The following PIGZ variants were observed in gnomAD, a reference collection of about 807,000 sequenced individuals.
The protein encoded by PIGZ is GPI alpha-1,2-mannosyltransferase 4.
Under a neutral mutation model 16.4 loss-of-function variants are expected in PIGZ, and 16 were observed. The observed-to-expected ratio is 0.97, with a 90% confidence interval of 0.66 to 1.48. The LOEUF (loss-of-function observed/expected upper bound fraction) is 1.48. PIGZ is among the 40% of genes most tolerant of loss of function. The pLI is 0.00. For missense variants in PIGZ, 770 were observed against 739.2 expected, an observed-to-expected ratio of 1.04 and a Z score of -0.48; for synonymous variants, 409 against 338.4, an observed-to-expected ratio of 1.21 and a Z score of -2.29.
rs145303412 is a variant in PIGZ at position 196,947,673 on chromosome 3, C to T, written c.1224G>A (p.Gln408=). Residue 408 remains glutamine (Q), a synonymous_variant, in exon 3 of 3, where the codon CAG becomes CAA. Coordinates refer to ENST00000412723, the MANE Select transcript of PIGZ (RefSeq NM_025163.4). ...CCACAGTGCCCTTCCAAGGCACAGGCTGCGTCTGTGGACTACAAAGCAGGA... is the reference window on the plus strand; with the variant it reads ...CCACAGTGCCCTTCCAAGGCACAGGTTGCGTCTGTGGACTACAAAGCAGGA... ...PLVLLCSPQT[Q]PVPWKGTVVL... The T allele has an allele frequency of 2.5e-6, 4 of 1,612,076 alleles. No individual in the cohort carries two copies. Among genetic ancestry groups the T allele is most frequent in the African/African-American group, 2.7e-5 (2 of 74,914 alleles).
At position 196,948,248 on chromosome 3, in the gene PIGZ, C is replaced by A; in HGVS notation, c.649G>T (p.Gly217Ter). The change falls in exon 3 of 3, where the codon GGA becomes TGA. Residue 217 changes from glycine to a stop codon, truncating the protein, a stop_gained. Coordinates refer to ENST00000412723, the MANE Select transcript of PIGZ (RefSeq NM_025163.4). LOFTEE classifies it low-confidence loss of function (END_TRUNC). ...AAGAAGCCAGCAGCCACAATGCCTC[C>A]AAGAAGCCAGCTGCGCCACCGTGGA... ...PGPRWRSWLLGGIVAAGFFNR... is the reference protein window; with the variant it reads ...PGPRWRSWLL The A allele has an allele frequency of 6.2e-7, 1 of 1,614,128 alleles. No homozygotes were observed. The highest frequency in any genetic ancestry group is 8.5e-7 in the Non-Finnish European group (1 of 1,180,008).
chr3:196,948,511 G>A lies in PIGZ; in HGVS notation c.386C>T (p.Pro129Leu). 1 of 1,612,572 alleles carries A rather than the reference G, an allele frequency of 6.2e-7. No homozygotes were observed. Residue 129 changes from proline to leucine, a missense_variant, in exon 3 of 3, where the codon CCT becomes CTT. Pro to Leu is a moderately conservative substitution (Grantham distance 98, BLOSUM62 -3). Coordinates refer to ENST00000412723, the MANE Select transcript of PIGZ (RefSeq NM_025163.4). ...LVSGYALLVG[P>L]RLLLTALSFA... ...GGAAAGGGCAGTGAGGAGGAGTCGA[G>A]GCCCCACCAGCAGCGCATAGCCGCT...
At position 196,949,877 on chromosome 3, in the gene PIGZ, C is replaced by T. The variant is rs773329858; in HGVS notation, c.212-1192G>A. ...TTACACCTGTCAAGCTTGACAGAGC[C>T]GCATCTCTGATAATGATTGTTATCA... On this transcript the variant is annotated intron_variant, in intron 2 of 2. Transcript: ENST00000412723. 3.9e-5 allele frequency among the ~76,000 whole-genome samples: 6 copies of T among 151,998 alleles called. No homozygotes were observed. The East Asian group carries it at 9.6e-4, about 24-fold the overall frequency.
In PIGZ at chr3:196,963,304, C is replaced by A. The variant is rs115136169; in HGVS notation, c.-1+5383G>T. ...TATTCGTGGACATATGTCTTCATTT[C>A]TCTTGGTATATACGTAAAGTCCCTG... is the stretch of plus-strand genomic sequence containing the variant. On this transcript the variant is annotated intron_variant, in intron 1 of 2. Transcript: ENST00000412723. 2.6e-3 allele frequency among the ~76,000 whole-genome samples: 403 copies of A among 152,294 alleles called. 2 individuals carry two copies. The highest frequency in any genetic ancestry group is 9.3e-3 in the African/African-American group (385 of 41,566).
In PIGZ at chr3:196,948,253, A is replaced by G. The variant is rs1169542993; in HGVS notation, c.644T>C (p.Leu215Pro). The G allele has an allele frequency of 3.7e-6, 6 of 1,613,922 alleles. No homozygotes were observed. In the African/African-American group the frequency reaches 5.3e-5, roughly 14 times the overall value. The part of the protein sequence containing the change: ...PAPGPRWRSW[L>P]LGGIVAAGFF... Reference sequence around the variant, plus strand: ...GCCAGCAGCCACAATGCCTCCAAGAAGCCAGCTGCGCCACCGTGGACCCGG... The same window carrying G: ...GCCAGCAGCCACAATGCCTCCAAGAGGCCAGCTGCGCCACCGTGGACCCGG... Residue 215 changes from leucine to proline, a missense_variant, in exon 3 of 3, where the codon CTT becomes CCT. Coordinates refer to ENST00000412723, the MANE Select transcript of PIGZ (RefSeq NM_025163.4).
intron 2 of PIGZ, among the ~76,000 whole-genome samples, chr3:196,949,763 A>G (rs1717192512): frequency 6.6e-6 from 1 of 152,064 alleles, no homozygotes; most frequent in African/African-American, 2.4e-5. Context: ...TGTCCTGGGA[A>G]GAGTGTGTGG....
intron 1 of PIGZ, among the ~76,000 whole-genome samples, chr3:196,956,451 GACCTATTC>G (rs1717493020): frequency 6.6e-6 from 1 of 152,176 alleles, no homozygotes; most frequent in South Asian, 2.1e-4. Context: ...GATCTCGTGA[GACCTATTC>G]ACTACCACAA....
At chr3:196,948,985 C>T (rs71617352) in intron 2 of PIGZ, among the ~76,000 whole-genome samples, 15,968 of 42,564 alleles carry the variant, frequency 0.38, 4,858 homozygotes, top group Admixed American at 0.41. Flanking sequence ...CCCCTCCCTT[C>T]CCTTCCTTCC....
intron 1 of PIGZ, among the ~76,000 whole-genome samples, chr3:196,967,029 G>A (rs1354686026): frequency 1.3e-5 from 2 of 151,994 alleles, no homozygotes; most frequent in Admixed American, 6.6e-5. Context: ...GCGCCTGTGT[G>A]GGAGAATGTG....
At chr3:196,949,736 G>T (rs1274709406) in intron 2 of PIGZ, among the ~76,000 whole-genome samples, 2 of 152,176 alleles carry the variant, frequency 1.3e-5, no homozygotes, top group Non-Finnish European at 2.9e-5. Flanking sequence ...GCTTCCCCGG[G>T]AGATGAGGTG....
chr3:196,961,267 T>C (rs1164017701), intron 1 of PIGZ, among the ~76,000 whole-genome samples: 1 of 152,228 alleles, frequency 6.6e-6, no homozygotes, highest in African/African-American at 2.4e-5. Context: ...ACAGAAGTAG[T>C]AGCTCCATTG....
At chr3:196,967,806 A>C (rs1717991065) in intron 1 of PIGZ, among the ~76,000 whole-genome samples, 1 of 152,144 alleles carries the variant, frequency 6.6e-6, no homozygotes, top group Non-Finnish European at 1.5e-5. Context: ...AACATTAAAC[A>C]CACATAGAGA....
Position 196,947,787 on chromosome 3 carries a change from G to A in PIGZ, c.1110C>T (p.Leu370=), listed in dbSNP as rs902149168. 1.2e-6 allele frequency: 2 copies of A among 1,608,150 alleles called. No homozygotes were observed. The highest frequency in any genetic ancestry group is 1.7e-5 in the Admixed American group (1 of 59,338). ...CCAGAGGCATGAAGTAGAGGAGAAG[G>A]AGATAGGACCTGGGGCTGGACAGCA... ...RSLLSSPRSY[L]LLLYFMPLAL... The change falls in exon 3 of 3, where the codon CTC becomes CTT. Residue 370 remains leucine, a synonymous_variant. Coordinates refer to ENST00000412723, the MANE Select transcript of PIGZ (RefSeq NM_025163.4).
intron 1 of PIGZ, among the ~76,000 whole-genome samples, chr3:196,963,817 A>G (rs545809640): frequency 1.4e-4 from 21 of 152,240 alleles, no homozygotes; most frequent in African/African-American, 4.1e-4. Context: ...ATTTGTTCTT[A>G]GGCTTCTCTT....
Position 196,948,041 on chromosome 3 carries a change from A to T in PIGZ, c.856T>A (p.Ser286Thr), listed in dbSNP as rs777018962. ...ACAGGTGTCAGGACAAGGTTCCTGG[A>T]TGTAGCGGGGCTGGAGAAATACCAG... Reference protein sequence around the residue: ...DSWYFSSPATSRNLVLTPVNF... With the variant: ...DSWYFSSPATTRNLVLTPVNF... Residue 286 changes from serine to threonine, a missense_variant, in exon 3 of 3, where the codon TCC becomes ACC. By Grantham distance (58) the Ser-to-Thr change is moderately conservative (BLOSUM62 1). Transcript: ENST00000412723. 6.9e-6 allele frequency: 11 copies of T among 1,593,518 alleles called. No individual in the cohort carries two copies. Among genetic ancestry groups the T allele is most frequent in the Non-Finnish European group, 6.9e-6 (8 of 1,167,358 alleles).
intron 1 of PIGZ, among the ~76,000 whole-genome samples, chr3:196,967,023 C>G (rs6783852): frequency 0.16 from 24,498 of 151,696 alleles, 2,856 homozygotes; most frequent in African/African-American, 0.33. Context: ...TCCCGCGCGC[C>G]TGTGTGGGAG....
intron 2 of PIGZ, 143 bp downstream of exon 2, chr3:196,951,678 C>A: frequency 1.3e-6 from 1 of 773,658 alleles, no homozygotes; most frequent in Admixed American, 2.2e-5. Flanking sequence ...CAAGTTCTTA[C>A]CCCAGAGAGA....
chr3:196,957,294 C>T (rs908613571), intron 1 of PIGZ, among the ~76,000 whole-genome samples: 3 of 152,004 alleles, frequency 2.0e-5, no homozygotes. Context: ...GGAGATAGCC[C>T]ACCCCCAGCT....
chr3:196,965,682 C>T lies in PIGZ; in HGVS notation c.-1+3005G>A, dbSNP rs1239251892. ...GTGCATGTACCTGGGATTTCTTAGCCTTAGGGGTGGCTGGCTGTGCAGAAT... is the reference window on the plus strand; with the variant it reads ...GTGCATGTACCTGGGATTTCTTAGCTTTAGGGGTGGCTGGCTGTGCAGAAT... On this transcript the variant is annotated intron_variant, in intron 1 of 2. Transcript: ENST00000412723. The surrounding 1 kb of genome is among the most constrained non-coding windows in gnomAD (Gnocchi z 4.2). Among the ~76,000 whole-genome samples, 1 of 152,130 alleles carries T rather than the reference C, an allele frequency of 6.6e-6. No homozygotes were observed. Among genetic ancestry groups the T allele is most frequent in the African/African-American group, 2.4e-5 (1 of 41,420 alleles).
Sources: gnomAD v4.1 joint callset for allele counts (sites outside exome capture counted in the v4.1 genomes callset) on GRCh38, gnomAD v4.1.1 for gene constraint, Gnocchi (gnomAD v3.1) non-coding constraint, MANE v1.5 for transcripts, NCBI Gene and HGNC (gene_info 2026-07-23, HGNC 2026-07-21) for gene names.